PIERCE2: variants seen among roughly 807,000 people sequenced by gnomAD.
The protein encoded by PIERCE2 is piercer of microtubule wall 2.
the PIERCE2 span, among the ~76,000 whole-genome samples, chr15:55,413,378 A>C: frequency 6.6e-6 from 1 of 152,158 alleles, no homozygotes; most frequent in Non-Finnish European, 1.5e-5. Context: ...GTGAACTACG[A>C]TCACTACTGC....
At chr15:55,413,173 CAGG>C in the PIERCE2 span, among the ~76,000 whole-genome samples, 98 of 151,470 alleles carry the variant, frequency 6.5e-4, 3 homozygotes, top group East Asian at 6.2e-3. Context: ...GAGGCTGAGG[CAGG>C]AGAATGGCGT....
chr15:55,408,536 CT>C, the PIERCE2 span: 5 of 376,122 alleles, frequency 1.3e-5, no homozygotes, highest in African/African-American at 6.3e-5. Flanking sequence ...CTTCCAGTTG[CT>C]ATGGTTACGA....
At chr15:55,410,877 T>C in the PIERCE2 span, 5 of 152,218 alleles carry the variant, frequency 3.3e-5, no homozygotes, top group African/African-American at 1.2e-4. Flanking sequence ...TCAGTTGAGA[T>C]ACCATCAAAA....
At chr15:55,413,773 A>C in the PIERCE2 span, among the ~76,000 whole-genome samples, 1 of 137,390 alleles carries the variant, frequency 7.3e-6, no homozygotes, top group African/African-American at 3.2e-5. Context: ...AAAAAAAAAA[A>C]AAAAAAGACT....
the PIERCE2 span, chr15:55,418,775 T>C: frequency 4.4e-6 from 2 of 458,354 alleles, no homozygotes; most frequent in Non-Finnish European, 7.6e-6. Context: ...AGGTAGAAAG[T>C]GTTTTAGTCC....
the PIERCE2 span, among the ~76,000 whole-genome samples, chr15:55,409,939 TG>T: frequency 6.6e-6 from 1 of 152,224 alleles, no homozygotes; most frequent in African/African-American, 2.4e-5. Context: ...TAAAAGTTGA[TG>T]ACATGTGGCA....
At chr15:55,418,716 CAT>C in the PIERCE2 span, 1 of 568,270 alleles carries the variant, frequency 1.8e-6, no homozygotes, top group Non-Finnish European at 2.9e-6. Context: ...CTGATAACTA[CAT>C]GACAGTGACT....
the PIERCE2 span, among the ~76,000 whole-genome samples, chr15:55,410,246 C>T: frequency 6.6e-6 from 1 of 152,140 alleles, no homozygotes; most frequent in Non-Finnish European, 1.5e-5. Flanking sequence ...GCTAATTTGT[C>T]TTCTGTTTTT....
At chr15:55,416,705 T>C in the PIERCE2 span, among the ~76,000 whole-genome samples, 2 of 152,074 alleles carry the variant, frequency 1.3e-5, no homozygotes, top group African/African-American at 4.8e-5. Flanking sequence ...ACACCTGTAA[T>C]CCCAACACTT....
chr15:55,417,090 A>T, the PIERCE2 span, among the ~76,000 whole-genome samples: 6 of 152,164 alleles, frequency 3.9e-5, no homozygotes, highest in Non-Finnish European at 5.9e-5. Context: ...ACAGGCCCTA[A>T]CAACAGCCAA....
At chr15:55,415,574 T>C in the PIERCE2 span, among the ~76,000 whole-genome samples, 1 of 152,074 alleles carries the variant, frequency 6.6e-6, no homozygotes, top group Non-Finnish European at 1.5e-5. Flanking sequence ...TCTTAAGGGC[T>C]TACAACTCTA....
chr15:55,415,772 C>T, the PIERCE2 span, among the ~76,000 whole-genome samples: 5 of 152,092 alleles, frequency 3.3e-5, no homozygotes, highest in Non-Finnish European at 7.3e-5. Flanking sequence ...AACTACCAGG[C>T]CCAGGGTGTA....
the PIERCE2 span, among the ~76,000 whole-genome samples, chr15:55,409,473 C>T: frequency 7.2e-5 from 11 of 152,246 alleles, no homozygotes; most frequent in East Asian, 1.9e-3. Context: ...GTTTCATTCT[C>T]TGTCCCCTAA....
At chr15:55,414,346 A>G in the PIERCE2 span, among the ~76,000 whole-genome samples, 2 of 150,824 alleles carry the variant, frequency 1.3e-5, no homozygotes, top group Admixed American at 1.3e-4. Context: ...AGTAGCTGGG[A>G]TTACAGGTGT....
the PIERCE2 span, among the ~76,000 whole-genome samples, chr15:55,410,039 A>T: frequency 6.6e-6 from 1 of 152,106 alleles, no homozygotes; most frequent in African/African-American, 2.4e-5. Context: ...ACATTTTAAG[A>T]ATATCAGGTT....
the PIERCE2 span, chr15:55,408,774 A>C: frequency 3.9e-6 from 6 of 1,525,706 alleles, no homozygotes; most frequent in Non-Finnish European, 5.3e-6. Context: ...CGAAAATGAC[A>C]GACCGCAACC....
the PIERCE2 span, among the ~76,000 whole-genome samples, chr15:55,415,261 A>C: frequency 6.6e-6 from 1 of 152,056 alleles, no homozygotes; most frequent in Admixed American, 6.6e-5. Context: ...TAAGGTCAGG[A>C]GTTGGAGACC....
chr15:55,408,686 C>T, the PIERCE2 span: 2 of 865,220 alleles, frequency 2.3e-6, no homozygotes, highest in Non-Finnish European at 3.7e-6. Context: ...TAAAAGGCCA[C>T]GTCCCTAGGC....
the PIERCE2 span, among the ~76,000 whole-genome samples, chr15:55,413,441 G>T: frequency 6.6e-6 from 1 of 151,816 alleles, no homozygotes; most frequent in East Asian, 2.0e-4. Context: ...CACCAAAACA[G>T]TTAATTAAAA....
Sources: gnomAD v4.1 joint callset for allele counts (sites outside exome capture counted in the v4.1 genomes callset) on GRCh38, gnomAD v4.1.1 for gene constraint, MANE v1.5 for transcripts, NCBI Gene and HGNC (gene_info 2026-07-23, HGNC 2026-07-21) for gene names.